MYBPC1: variants seen among roughly 807,000 people sequenced by gnomAD.
The protein encoded by MYBPC1 is myosin-binding protein C, slow-type.
A neutral mutation model predicts 147.1 loss-of-function variants in MYBPC1; 52 were observed. The ratio of observed to expected loss-of-function variants is 0.35; its 90% confidence interval spans 0.28 to 0.45. The LOEUF is 0.45. Ranked by LOEUF, MYBPC1 falls within the 20% of genes least tolerant of loss-of-function variation. The pLI, the probability that MYBPC1 is intolerant of heterozygous loss-of-function variation, is 1.00. For missense variants in MYBPC1, 1,228 were observed against 1,440.3 expected (o/e 0.85, Z 2.39); for synonymous variants, 477 against 475.9 (o/e 1.00, Z -0.03).
intron 12 of MYBPC1, among the ~76,000 whole-genome samples, chr12:101,645,781 T>C (rs550182356): frequency 9.8e-5 from 15 of 152,348 alleles, no homozygotes; most frequent in Admixed American, 9.1e-4. Flanking sequence ...TCCTCCATAA[T>C]ACAGATCACA....
intron 22 of MYBPC1, among the ~76,000 whole-genome samples, chr12:101,665,253 A>C (rs569069544): frequency 5.3e-5 from 8 of 152,198 alleles, no homozygotes; most frequent in African/African-American, 1.7e-4. Context: ...AACGTTCTGG[A>C]ATTAGCTTTC....
intron 27 of MYBPC1, 145 bp downstream of exon 27, chr12:101,677,539 T>A: frequency 9.8e-7 from 1 of 1,020,266 alleles, no homozygotes; most frequent in Non-Finnish European, 1.4e-6. Context: ...AAGTAAAATT[T>A]TAATTTTACA....
chr12:101,685,650 G>C lies in MYBPC1; in HGVS notation c.*88G>C. 6.5e-7 allele frequency: 1 copy of C among 1,533,190 alleles called. No individual in the cohort carries two copies. The highest frequency in any genetic ancestry group is 1.2e-5 in the South Asian group (1 of 83,942). The allele number at this position is 1,533,190 out of a possible 1,614,324, so 95.0% of individuals were successfully genotyped here. On this transcript the variant is annotated 3_prime_UTR_variant, in exon 32 of 32. Coordinates refer to ENST00000361466, the MANE Select transcript of MYBPC1 (RefSeq NM_002465.4). ...AAACATAATTGATTCGTATCTGCGAGACTTACACTCAAGCAATCCTGAGGA... is the reference window on the plus strand; with the variant it reads ...AAACATAATTGATTCGTATCTGCGACACTTACACTCAAGCAATCCTGAGGA...
intron 10 of MYBPC1, among the ~76,000 whole-genome samples, chr12:101,638,400 A>T (rs980083469): frequency 6.6e-6 from 1 of 152,216 alleles, no homozygotes; most frequent in African/African-American, 2.4e-5. Context: ...TAATTATGTG[A>T]CTTTGGTCAA....
At position 101,597,402 on chromosome 12, in the gene MYBPC1, A is replaced by G. The variant is rs148753059; in HGVS notation, c.25+2307A>G. On this transcript the variant is annotated intron_variant, in intron 1 of 31. Transcript: ENST00000361466. ...ACACATGAGCTGGTTTGGCCCTCCT[A>G]GGATCCAGGAGGATCTGGCAACTCC... Among the ~76,000 whole-genome samples, 659 of 152,176 alleles carry G rather than the reference A, an allele frequency of 4.3e-3. 7 individuals carry two copies. Among genetic ancestry groups the G allele is most frequent in the African/African-American group, 0.015 (619 of 41,536 alleles).
At chr12:101,671,388 T>C (rs1898692653) in intron 24 of MYBPC1, among the ~76,000 whole-genome samples, 1 of 151,774 alleles carries the variant, frequency 6.6e-6, no homozygotes, top group African/African-American at 2.4e-5. Context: ...GAGAGAACTC[T>C]GTTCAAACCC....
In MYBPC1 at chr12:101,685,643, T is replaced by C; in HGVS notation, c.*81T>C. On this transcript the variant is annotated 3_prime_UTR_variant, in exon 32 of 32. Transcript: ENST00000361466. ...TACCTCCAAACATAATTGATTCGTA[T>C]CTGCGAGACTTACACTCAAGCAATC... 1 of 1,533,886 alleles carries C rather than the reference T, an allele frequency of 6.5e-7. No homozygotes were observed. The highest frequency in any genetic ancestry group is 8.7e-7 in the Non-Finnish European group (1 of 1,145,040).
chr12:101,673,491 A>G lies in MYBPC1; in HGVS notation c.2678A>G (p.Asn893Ser), dbSNP rs372425728. ...GCAGAAATTGATAAGAATCAAATAA[A>G]CATTCGCAACTCTGAGACTGATACA... ...DGAEIDKNQI[N>S]IRNSETDTII... is the part of the protein sequence containing the mutation. The change falls in exon 25 of 32, where the codon AAC becomes AGC. Residue 893 changes from asparagine to serine, a missense_variant. Physicochemically the swap from Asn to Ser is conservative, Grantham distance 46. This residue lies in a region of MYBPC1 where 1,077 missense variants were observed against 1,314.2 expected (regional missense o/e 0.82). Transcript: ENST00000361466. 1.2e-4 allele frequency: 186 copies of G among 1,613,912 alleles called. No homozygotes were observed. The highest frequency in any genetic ancestry group is 1.5e-4 in the Non-Finnish European group (177 of 1,180,020).
rs562702947 is a variant in MYBPC1 at position 101,626,221 on chromosome 12, TG to T, written c.104-650del. The stretch of plus-strand genomic sequence containing the variant: ...TAAAATGTGAACTTTGAAGTTCAGA[TG>T]TTTTTTAAAAGGGAAATATTCTGCA... On this transcript the variant is annotated intron_variant, in intron 3 of 31. Coordinates refer to ENST00000361466, the MANE Select transcript of MYBPC1 (RefSeq NM_002465.4). Among the ~76,000 whole-genome samples, 199 of 152,264 alleles carry T rather than the reference TG, an allele frequency of 1.3e-3. 1 individual carries two copies. Among genetic ancestry groups the T allele is most frequent in the Non-Finnish European group, 2.3e-3 (155 of 68,024 alleles).
chr12:101,610,133 G>A (rs1283330891), intron 1 of MYBPC1, among the ~76,000 whole-genome samples: 3 of 152,160 alleles, frequency 2.0e-5, no homozygotes, highest in Non-Finnish European at 4.4e-5. Flanking sequence ...TTTAAGTCAT[G>A]TGCTGCTTGG....
chr12:101,634,471 G>A (rs1890598803), intron 8 of MYBPC1, 83 bp from the exon 9 acceptor site: 2 of 1,144,914 alleles, frequency 1.7e-6, no homozygotes, highest in Non-Finnish European at 1.3e-6. Flanking sequence ...TCCATCTAAA[G>A]AATCCCCACA....
chr12:101,655,646 G>A (rs931307868), intron 18 of MYBPC1, among the ~76,000 whole-genome samples: 1 of 152,090 alleles, frequency 6.6e-6, no homozygotes, highest in African/African-American at 2.4e-5. Flanking sequence ...AAGTGTTCAG[G>A]GTGAAAACCC....
chr12:101,619,804 C>T (rs945671477), intron 3 of MYBPC1, among the ~76,000 whole-genome samples: 1 of 152,194 alleles, frequency 6.6e-6, no homozygotes, highest in African/African-American at 2.4e-5. Flanking sequence ...TGCTCCAAAT[C>T]TGTCACTATT....
intron 5 of MYBPC1, chr12:101,628,249 A>G (rs892947930): frequency 8.6e-6 from 2 of 233,346 alleles, no homozygotes; most frequent in Non-Finnish European, 1.7e-5. Context: ...TGATCCTATT[A>G]TGGGCCTCTT....
intron 29 of MYBPC1, among the ~76,000 whole-genome samples, chr12:101,681,172 G>A (rs116033236): frequency 0.016 from 2,496 of 151,994 alleles, 59 homozygotes; most frequent in African/African-American, 0.057. Context: ...GGATTTATGC[G>A]GTTGAAAAGC....
chr12:101,673,596 C>T lies in MYBPC1; in HGVS notation c.2783C>T (p.Thr928Ile), dbSNP rs894937418. The T allele has an allele frequency of 6.2e-7, 1 of 1,614,132 alleles. No individual in the cohort carries two copies. Among genetic ancestry groups the T allele is most frequent in the Non-Finnish European group, 8.5e-7 (1 of 1,180,010 alleles). ...LQVKVDKFVE[T>I]ASIDIQIIDR... is the part of the protein sequence containing the mutation. ...GTCAAAGTGGACAAATTCGTGGAGA[C>T]CGCATCAATTGACATCCAGATCATT... is the stretch of plus-strand genomic sequence containing the variant. Residue 928 changes from threonine (T) to isoleucine (I), a missense_variant, in exon 25 of 32, where the codon ACC becomes ATC. Thr to Ile is a moderately conservative substitution (Grantham distance 89). Around this residue, in one of 2 missense-constraint regions of MYBPC1, gnomAD observed 1,077 missense variants for 1,314.2 expected, o/e 0.82. Transcript: ENST00000361466.
At chr12:101,688,096 C>T (rs1951376679), downstream of MYBPC1, among the ~76,000 whole-genome samples, 1 of 151,980 alleles carries the variant, frequency 6.6e-6, no homozygotes, top group East Asian at 1.9e-4. Context: ...AGGAATTTAC[C>T]AAAAATTCTT....
chr12:101,680,249 C>A, intron 28 of MYBPC1, 94 bp from the exon 29 acceptor site: 2 of 1,226,752 alleles, frequency 1.6e-6, no homozygotes, highest in Non-Finnish European at 2.3e-6. Flanking sequence ...TCTTTTTAAG[C>A]CATGCTTTAA....
At chr12:101,631,898 ATTT>A in intron 7 of MYBPC1, 120 bp from the exon 8 acceptor site, 1 of 1,274,456 alleles carries the variant, frequency 7.8e-7, no homozygotes, top group Non-Finnish European at 1.1e-6. Flanking sequence ...TACAGGACAC[ATTT>A]GCCCTCCTAT....
Sources: allele counts gnomAD v4.1 joint callset (sites outside exome capture counted in the v4.1 genomes callset), GRCh38; gene constraint gnomAD v4.1.1; regional missense constraint gnomAD v4.1.1; transcripts MANE v1.5; gene names NCBI Gene and HGNC (gene_info 2026-07-23, HGNC 2026-07-21).